Variants in CSMD1 observed in about 807,000 individuals in gnomAD.
CSMD1 encodes CUB and sushi domain-containing protein 1.
CSMD1 carries 213 observed loss-of-function variants against 417.5 expected under a neutral mutation model. The observed-to-expected ratio is 0.51, with a 90% CI of 0.46 to 0.57. The LOEUF is 0.57. Among genes scored for constraint, CSMD1 ranks in the 20% least tolerant of loss-of-function variants. The probability of loss-of-function intolerance (pLI) is 0.00; values close to 1 mark genes in which losing one functional copy is unlikely to be tolerated. For synonymous variants in CSMD1, 2,862 were observed against 1,736.8 expected (o/e 1.65, Z -16.11); for missense variants, 6,923 against 4,529.7 (o/e 1.53, Z -15.17).
chr8:4,025,092 T>C (rs541961604), intron 4 of CSMD1, among the ~76,000 whole-genome samples: 1 of 152,232 alleles, frequency 6.6e-6, no homozygotes, highest in East Asian at 1.9e-4. Context: ...ATTGGAGCAA[T>C]GGAATAAAAG....
chr8:3,858,597 T>C (rs1399811753), intron 5 of CSMD1, among the ~76,000 whole-genome samples: 3 of 152,332 alleles, frequency 2.0e-5, no homozygotes, highest in South Asian at 2.1e-4. Context: ...TTAATAATTT[T>C]CACCAAGTTC....
At chr8:3,248,490 C>G (rs17079692) in intron 26 of CSMD1, among the ~76,000 whole-genome samples, 11,016 of 150,054 alleles carry the variant, frequency 0.073, 553 homozygotes, top group Admixed American at 0.13. Context: ...AGTGAAGCCC[C>G]TCTGCCAGGT....
chr8:3,997,779 C>G (rs372512102), intron 5 of CSMD1, 124 bp downstream of exon 5: 2 of 829,026 alleles, frequency 2.4e-6, no homozygotes, highest in Non-Finnish European at 3.7e-6. Flanking sequence ...AAGAGCAAGG[C>G]GAAAAAAGGA....
At chr8:3,083,629 TATATATATATATATATATA>T (rs1382543055) in intron 49 of CSMD1, among the ~76,000 whole-genome samples, 16 of 41,862 alleles carry the variant, frequency 3.8e-4, no homozygotes, top group Non-Finnish European at 5.9e-4. Flanking sequence ...TATATATATA[TATATATATATATATATATA>T]TTTTTTTTTT....
chr8:3,043,451 C>A lies in CSMD1; in HGVS notation c.7660+9011G>T, dbSNP rs553642916. 2.6e-5 allele frequency among the ~76,000 whole-genome samples: 4 copies of A among 152,066 alleles called. No homozygotes were observed. The East Asian group carries it at 5.8e-4, about 22-fold the overall frequency. On this transcript the variant is annotated intron_variant, in intron 50 of 69. Coordinates refer to ENST00000635120, the MANE Select transcript of CSMD1 (RefSeq NM_033225.6). ...TGGAACTGGTGATATAAACCTATCA[C>A]TAGATATGAGTATCAAGCTAGTATT...
intron 5 of CSMD1, among the ~76,000 whole-genome samples, chr8:3,974,841 A>C (rs1222476163): frequency 6.6e-6 from 1 of 152,160 alleles, no homozygotes; most frequent in Non-Finnish European, 1.5e-5. Flanking sequence ...ATGTTTTACC[A>C]GAGTAAGATA....
At chr8:3,311,455 G>A (rs546393301) in intron 23 of CSMD1, among the ~76,000 whole-genome samples, 2 of 148,276 alleles carry the variant, frequency 1.3e-5, no homozygotes, top group Non-Finnish European at 2.9e-5. Flanking sequence ...TCACCACGTT[G>A]TCTAGGCTTG....
intron 30 of CSMD1, among the ~76,000 whole-genome samples, chr8:3,211,430 C>A (rs11989577): frequency 6.6e-6 from 1 of 152,006 alleles, no homozygotes; most frequent in Admixed American, 6.6e-5. Flanking sequence ...ACCTGTAATG[C>A]GTGGCAGAGA....
intron 3 of CSMD1, among the ~76,000 whole-genome samples, chr8:4,236,263 T>G (rs958693853): frequency 2.0e-5 from 3 of 152,056 alleles, no homozygotes; most frequent in African/African-American, 7.2e-5. Flanking sequence ...GCTTTATTTG[T>G]AATTGGCACA....
intron 2 of CSMD1, among the ~76,000 whole-genome samples, chr8:4,551,131 GTCTGGCAACA>G (rs1217737256): frequency 1.3e-5 from 2 of 152,192 alleles, no homozygotes; most frequent in African/African-American, 4.8e-5. Flanking sequence ...ACTGACCTGG[GTCTGGCAACA>G]TCTATGTGGA....
intron 5 of CSMD1, among the ~76,000 whole-genome samples, chr8:3,923,422 TTAATTTGCTTATTGGA>T (rs1809420662): frequency 6.6e-6 from 1 of 152,252 alleles, no homozygotes; most frequent in Non-Finnish European, 1.5e-5. Context: ...TTTGATTATA[TTAATTTGCTTATTGGA>T]TCATTTGCTT....
At chr8:3,446,086 T>C (rs943841336) in intron 12 of CSMD1, among the ~76,000 whole-genome samples, 1 of 152,034 alleles carries the variant, frequency 6.6e-6, no homozygotes, top group Admixed American at 6.6e-5. Context: ...AACAGTAAAG[T>C]TGAAATGGAC....
chr8:3,138,519 CAGCACACAAGAAGA>C (rs1413601544), intron 41 of CSMD1, among the ~76,000 whole-genome samples: 2 of 152,176 alleles, frequency 1.3e-5, no homozygotes, highest in Non-Finnish European at 2.9e-5. Context: ...TGCTCGTGAC[CAGCACACAAGAAGA>C]AGCACATCAG....
At chr8:3,160,692 T>G (rs1429638496) in intron 38 of CSMD1, among the ~76,000 whole-genome samples, 1 of 152,254 alleles carries the variant, frequency 6.6e-6, no homozygotes. Flanking sequence ...GATACTGGTT[T>G]CTAATAACAG....
chr8:4,186,391 C>T (rs1055534797), intron 3 of CSMD1, among the ~76,000 whole-genome samples: 1 of 152,064 alleles, frequency 6.6e-6, no homozygotes, highest in Non-Finnish European at 1.5e-5. Context: ...CTCTGCTCAC[C>T]CCAAGACAGT....
chr8:3,550,097 C>A (rs1032148838), intron 10 of CSMD1, among the ~76,000 whole-genome samples: 4 of 152,252 alleles, frequency 2.6e-5, no homozygotes, highest in Non-Finnish European at 1.5e-5. Context: ...AAGCAAAGCA[C>A]AGAGCCGATA....
intron 7 of CSMD1, among the ~76,000 whole-genome samples, chr8:3,686,546 A>G (rs1465013380): frequency 1.3e-5 from 2 of 152,238 alleles, no homozygotes; most frequent in African/African-American, 4.8e-5. Flanking sequence ...AGCAGGAGAT[A>G]GAATTCCCAT....
intron 23 of CSMD1, among the ~76,000 whole-genome samples, chr8:3,314,375 C>T (rs531929695): frequency 8.5e-5 from 13 of 152,184 alleles, no homozygotes; most frequent in African/African-American, 2.6e-4. Context: ...CAATTTTAAG[C>T]CTGCTGAAGA....
intron 5 of CSMD1, among the ~76,000 whole-genome samples, chr8:3,893,240 C>A (rs1021458085): frequency 2.0e-5 from 3 of 149,096 alleles, no homozygotes; most frequent in Non-Finnish European, 4.5e-5. Context: ...ATTTTTTCTT[C>A]TTCTTATATT....
Sources: allele counts gnomAD v4.1 joint callset (sites outside exome capture counted in the v4.1 genomes callset), GRCh38; gene constraint gnomAD v4.1.1; transcripts MANE v1.5; gene names NCBI Gene and HGNC (gene_info 2026-07-23, HGNC 2026-07-21).